The following EVC2 variants were observed in gnomAD, a reference collection of about 807,000 sequenced individuals.
EVC2 encodes limbin.
EVC2 carries 148 observed loss-of-function variants against 149.3 expected under a neutral mutation model. The ratio of observed to expected loss-of-function variants is 0.99; its 90% CI spans 0.87 to 1.14. The LOEUF (loss-of-function observed/expected upper bound fraction) is 1.14, where lower values mean the gene tolerates loss of function less well. Among genes scored for constraint, EVC2 ranks in the 50% most tolerant of loss-of-function variants. EVC2 has a pLI of 0.00. For missense variants in EVC2, 1,854 were observed against 1,627.3 expected (o/e 1.14, Z -2.40); for synonymous variants, 776 against 649.9 (o/e 1.19, Z -2.95).
In EVC2 at chr4:5,694,331, T is replaced by A. The variant is rs1337386383; in HGVS notation, c.450+4A>T. 1 of 1,613,854 alleles carries A rather than the reference T, an allele frequency of 6.2e-7. No homozygotes were observed. Among genetic ancestry groups the A allele is most frequent in the East Asian group, 2.2e-5 (1 of 44,874 alleles). ...TGTGTTAAAGCATTGAACTTAATAC[T>A]TACCAGGCGGTGTGTTATAGGAGAC... On this transcript the variant is annotated splice_donor_region_variant and intron_variant, in intron 3 of 21. Coordinates refer to ENST00000344408, the MANE Select transcript of EVC2 (RefSeq NM_147127.5).
At chr4:5,617,738 A>G (rs1298316170) in intron 15 of EVC2, among the ~76,000 whole-genome samples, 2 of 152,214 alleles carry the variant, frequency 1.3e-5, no homozygotes, top group African/African-American at 4.8e-5. Flanking sequence ...TGTGGCAGAG[A>G]AAACAGAAGT....
At chr4:5,687,289 C>G (rs141994002) in intron 5 of EVC2, among the ~76,000 whole-genome samples, 1 of 151,988 alleles carries the variant, frequency 6.6e-6, no homozygotes, top group East Asian at 1.9e-4. Flanking sequence ...AAAGAAAAAA[C>G]CACCAACAAA....
intron 17 of EVC2, 139 bp downstream of exon 17, chr4:5,584,484 T>C: frequency 1.2e-6 from 1 of 853,458 alleles, no homozygotes; most frequent in East Asian, 2.7e-5. Flanking sequence ...CTCCAATATG[T>C]CACTTCGTTT....
chr4:5,610,208 A>G (rs1714706338), intron 16 of EVC2, among the ~76,000 whole-genome samples: 1 of 152,194 alleles, frequency 6.6e-6, no homozygotes. Context: ...ATAGGTACTC[A>G]TATGTAGAAC....
At chr4:5,673,076 T>C (rs2151715644) in intron 7 of EVC2, among the ~76,000 whole-genome samples, 1 of 152,334 alleles carries the variant, frequency 6.6e-6, no homozygotes, top group Non-Finnish European at 1.5e-5. Flanking sequence ...TGGTGATGGC[T>C]GCACAACACC....
Position 5,694,339 on chromosome 4 carries a change from C to A in EVC2, c.446G>T (p.Arg149Leu). 1.9e-6 allele frequency: 3 copies of A among 1,613,832 alleles called. No homozygotes were observed. The highest frequency in any genetic ancestry group is 2.5e-6 in the Non-Finnish European group (3 of 1,179,894). ...LFKRESPITHRLYGDISREVQ... is the reference protein window; with the variant it reads ...LFKRESPITHLLYGDISREVQ... ...AGCATTGAACTTAATACTTACCAGG[C>A]GGTGTGTTATAGGAGACTCTCTTTT... The change falls in exon 3 of 22, where the codon CGC (arginine) becomes CTC (leucine). Residue 149 changes from arginine to leucine, a missense_variant. Coordinates refer to ENST00000344408, the MANE Select transcript of EVC2 (RefSeq NM_147127.5).
the EVC2 span, among the ~76,000 whole-genome samples, chr4:5,533,057 C>G: frequency 6.6e-6 from 1 of 150,434 alleles, no homozygotes; most frequent in East Asian, 1.9e-4. Context: ...GTATCACGGA[C>G]AAAACAGAAA....
chr4:5,630,362 G>A (rs917478517), intron 11 of EVC2, among the ~76,000 whole-genome samples: 45 of 152,174 alleles, frequency 3.0e-4, no homozygotes, highest in African/African-American at 1.1e-3. Flanking sequence ...GCTCACAGAC[G>A]CAGGGAAGGC....
At chr4:5,575,888 C>G (rs1722894749) in intron 18 of EVC2, among the ~76,000 whole-genome samples, 1 of 152,174 alleles carries the variant, frequency 6.6e-6, no homozygotes, top group African/African-American at 2.4e-5. Context: ...GTGACAATGT[C>G]AATTCACATA....
At chr4:5,682,322 C>T (rs1248208389) in intron 6 of EVC2, among the ~76,000 whole-genome samples, 2 of 151,500 alleles carry the variant, frequency 1.3e-5, no homozygotes, top group Non-Finnish European at 2.9e-5. Context: ...GAAACCCCAT[C>T]TCTACTAAAA....
At chr4:5,558,881 G>A (rs1053465320), downstream of EVC2, among the ~76,000 whole-genome samples, 5 of 152,152 alleles carry the variant, frequency 3.3e-5, no homozygotes, top group African/African-American at 1.2e-4. Context: ...TGGGAGCCAC[G>A]ATTTTCACTG....
upstream of EVC2, chr4:5,708,850 C>A: frequency 4.2e-6 from 1 of 235,804 alleles, no homozygotes. Context: ...AGCCTCAGCT[C>A]AGACGCACTT....
chr4:5,620,988 C>T (rs1715646350), intron 14 of EVC2, among the ~76,000 whole-genome samples: 1 of 152,134 alleles, frequency 6.6e-6, no homozygotes, highest in Non-Finnish European at 1.5e-5. Flanking sequence ...TAAGAGAAGA[C>T]AGAATCTTGT....
Position 5,563,226 on chromosome 4 carries a change from G to T in EVC2, c.3660-111C>A, listed in dbSNP as rs73794635. ...TGGGTCCTGAATTCCCCAACCCAGT[G>T]CCATTTTAACAAAAGGTTATTTTCC... is the stretch of plus-strand genomic sequence containing the variant. On this transcript the variant is annotated intron_variant, in intron 21 of 21. Coordinates refer to ENST00000344408, the MANE Select transcript of EVC2 (RefSeq NM_147127.5). 44,556 of 1,063,398 alleles carry T rather than the reference G, an allele frequency of 0.042. 1,645 individuals carry two copies. Among genetic ancestry groups the T allele is most frequent in the African/African-American group, 0.17 (10,475 of 63,376 alleles). The allele number at this position is 1,063,398 out of a possible 1,614,324, so 65.9% of individuals were successfully genotyped here. A position where few individuals can be genotyped will look rare whatever the true frequency, so the allele number is the denominator to read the frequency against.
At chr4:5,612,922 C>CAAAAAAA (rs34505528) in intron 16 of EVC2, among the ~76,000 whole-genome samples, 1 of 26,814 alleles carries the variant, frequency 3.7e-5, no homozygotes, top group Non-Finnish European at 6.8e-5. Flanking sequence ...ACTCTGTCTC[C>CAAAAAAA]AAAAAAAAAA....
Position 5,640,838 on chromosome 4 carries a change from C to T in EVC2, c.1146G>A (p.Glu382=). 2.5e-6 allele frequency: 4 copies of T among 1,614,130 alleles called. No individual in the cohort carries two copies. The highest frequency in any genetic ancestry group is 2.2e-5 in the South Asian group (2 of 91,074). ...CCCGATTCAGGGTTGCAATCTCCAA[C>T]CTAGGAAACACAAAAATCAAAAGAA... The part of the protein sequence containing the change: ...DPGSMLQALE[E]LEIATLNRAD... The change falls in exon 10 of 22, where the codon GAG becomes GAA. Residue 382 remains glutamate, a splice_region_variant and synonymous_variant. Coordinates refer to ENST00000344408, the MANE Select transcript of EVC2 (RefSeq NM_147127.5). The surrounding 1 kb of genome is among the most constrained non-coding windows in gnomAD (Gnocchi z 4.6).
rs1207981676 is a variant in EVC2 at position 5,686,381 on chromosome 4, T to G, written c.707-902A>C. Among the ~76,000 whole-genome samples, 1 of 152,026 alleles carries G rather than the reference T, an allele frequency of 6.6e-6. No individual in the cohort carries two copies. The highest frequency in any genetic ancestry group is 6.6e-5 in the Admixed American group (1 of 15,250). The stretch of plus-strand genomic sequence containing the variant: ...ATTTTATTTTTATATAACCTAGAGC[T>G]AAGATAATGAACGTAAAGTGATAAA... On this transcript the variant is annotated intron_variant, in intron 5 of 21. Transcript: ENST00000344408. The surrounding 1 kb of genome is among the most constrained non-coding windows in gnomAD (Gnocchi z 5.4).
At position 5,686,080 on chromosome 4, in the gene EVC2, CACACACATATATATT is replaced by C. The variant is rs1214668367; in HGVS notation, c.707-616_707-602del. On this transcript the variant is annotated intron_variant, in intron 5 of 21. Coordinates refer to ENST00000344408, the MANE Select transcript of EVC2 (RefSeq NM_147127.5). The surrounding 1 kb of genome is among the most constrained non-coding windows in gnomAD (Gnocchi z 5.4). ...TATACACACATATATAACATATATA[CACACACATATATATT>C]ACACACACACACACACACACACACA... Among the ~76,000 whole-genome samples the C allele has an allele frequency of 8.2e-6, 1 of 121,820 alleles. No homozygotes were observed. Among genetic ancestry groups the C allele is most frequent in the African/African-American group, 3.4e-5 (1 of 29,648 alleles). The allele number at this position is 121,820 out of a possible 152,430, so 79.9% of individuals were successfully genotyped here.
chr4:5,619,424 G>T (rs1715518659), intron 14 of EVC2, among the ~76,000 whole-genome samples: 1 of 152,154 alleles, frequency 6.6e-6, no homozygotes, highest in South Asian at 2.1e-4. Context: ...AGAGATTGGG[G>T]TGAGACGTCT....
Sources: gnomAD v4.1 joint callset for allele counts (sites outside exome capture counted in the v4.1 genomes callset) on GRCh38, gnomAD v4.1.1 for gene constraint, Gnocchi (gnomAD v3.1) non-coding constraint, MANE v1.5 for transcripts, NCBI Gene and HGNC (gene_info 2026-07-23, HGNC 2026-07-21) for gene names.